The following ARHGAP32 variants were observed in gnomAD, a reference collection of about 807,000 sequenced individuals.
ARHGAP32 encodes the protein Rho GTPase activating protein 32, also known as rho GTPase-activating protein 32.
Under a neutral mutation model 186.5 loss-of-function variants are expected in ARHGAP32, and 51 were observed. The observed-to-expected ratio is 0.27, with a 90% confidence interval of 0.22 to 0.35. The LOEUF (loss-of-function observed/expected upper bound fraction) is 0.35, where lower values mean the gene tolerates loss of function less well. Ranked by LOEUF, ARHGAP32 falls within the 10% of genes least tolerant of loss-of-function variation. The pLI is 1.00. For missense variants in ARHGAP32, 2,186 were observed against 2,623.5 expected, an observed-to-expected ratio of 0.83 and a Z score of 3.64; for synonymous variants, 950 against 964.3, an observed-to-expected ratio of 0.99 and a Z score of 0.27.
chr11:129,086,929 C>T (rs1365243999), intron 6 of ARHGAP32, among the ~76,000 whole-genome samples: 1 of 151,586 alleles, frequency 6.6e-6, no homozygotes, highest in African/African-American at 2.4e-5. Flanking sequence ...AAAAAACAGG[C>T]AAAAGATTTG....
intron 3 of ARHGAP32, among the ~76,000 whole-genome samples, chr11:129,124,136 A>G (rs376747126): frequency 3.3e-5 from 5 of 152,200 alleles, no homozygotes; most frequent in Admixed American, 6.5e-5. Flanking sequence ...ATATTTGCAT[A>G]TATCTATGGG....
chr11:128,993,236 A>G (rs1946109571), intron 12 of ARHGAP32: 1 of 152,200 alleles, frequency 6.6e-6, no homozygotes, highest in Admixed American at 6.5e-5. Flanking sequence ...AAAAATTTTT[A>G]TTTTATATGG....
At chr11:129,279,244 CCGCCGCCGCCGCCGAGCGCCGCCCG>C (rs1303980884) in exon 1 of ARHGAP32, 5 of 1,082 alleles carry the variant, frequency 4.6e-3, no homozygotes, top group Non-Finnish European at 0.042. Flanking sequence ...CCTCCGCCCG[CCGCCGCCGCCGCCGAGCGCCGCCCG>C]CGCCGCCGAG....
Position 129,064,829 on chromosome 11 carries a change from A to T in ARHGAP32, c.762+12T>A. ...AATATACATTTTTCATGAAAAGTGA[A>T]TTAGGAAATACCTCCATCCAGGTAA... is the stretch of plus-strand genomic sequence containing the variant. On this transcript the variant is annotated intron_variant, in intron 8 of 22. Coordinates refer to ENST00000682385, the MANE Select transcript of ARHGAP32 (RefSeq NM_001378024.1). 2 of 1,564,484 alleles carry T rather than the reference A, an allele frequency of 1.3e-6. No individual in the cohort carries two copies. Among genetic ancestry groups the T allele is most frequent in the Non-Finnish European group, 1.7e-6 (2 of 1,153,090 alleles).
At chr11:129,088,096 T>A (rs1227294849) in intron 6 of ARHGAP32, among the ~76,000 whole-genome samples, 2 of 152,206 alleles carry the variant, frequency 1.3e-5, no homozygotes, top group Admixed American at 6.5e-5. Flanking sequence ...AAAAATATTT[T>A]TAGGCCAGCA....
intron 1 of ARHGAP32, among the ~76,000 whole-genome samples, chr11:129,262,221 CTCA>C (rs1159201391): frequency 6.6e-6 from 1 of 152,082 alleles, no homozygotes; most frequent in East Asian, 1.9e-4. Context: ...CATTCTGTCT[CTCA>C]TGTTTTTTTA....
intron 11 of ARHGAP32, among the ~76,000 whole-genome samples, chr11:129,032,418 A>G (rs1939154377): frequency 6.6e-6 from 1 of 150,440 alleles, no homozygotes; most frequent in African/African-American, 2.5e-5. Context: ...ATAATACACA[A>G]CCAAATGGAG....
intron 10 of ARHGAP32, among the ~76,000 whole-genome samples, chr11:129,056,253 T>C (rs1045320431): frequency 1.3e-5 from 2 of 152,226 alleles, no homozygotes; most frequent in Non-Finnish European, 2.9e-5. Context: ...TCTGTAAATC[T>C]GTAACTATAC....
In ARHGAP32 at chr11:129,125,177, G is replaced by A. The variant is rs559635801; in HGVS notation, c.226-283C>T. On this transcript the variant is annotated intron_variant, in intron 2 of 22. Transcript: ENST00000682385. Reference sequence around the variant, plus strand: ...AACCAGCTATTATATACCTCAATACGAATTAAAATTTCCCCTGGAAGTTGT... The same window carrying A: ...AACCAGCTATTATATACCTCAATACAAATTAAAATTTCCCCTGGAAGTTGT... Among the ~76,000 whole-genome samples the A allele has an allele frequency of 5.3e-5, 8 of 151,854 alleles. No individual in the cohort carries two copies. In the East Asian group the frequency reaches 5.8e-4, roughly 11 times the overall value.
chr11:129,248,532 C>T (rs1199118834), intron 1 of ARHGAP32, among the ~76,000 whole-genome samples: 1 of 152,190 alleles, frequency 6.6e-6, no homozygotes, highest in Non-Finnish European at 1.5e-5. Context: ...GCCTAAATCA[C>T]CCCAGCCTCC....
In ARHGAP32 at chr11:129,093,856, A is replaced by C. The variant is rs74595461; in HGVS notation, c.445-149T>G. 117 of 628,858 alleles carry C rather than the reference A, an allele frequency of 1.9e-4. No homozygotes were observed. In the East Asian group the frequency reaches 3.0e-3, roughly 16 times the overall value. The allele number at this position is 628,858 out of a possible 1,614,324, so 39.0% of individuals were successfully genotyped here. A position where few individuals can be genotyped will look rare whatever the true frequency, so the allele number is the denominator to read the frequency against. On this transcript the variant is annotated intron_variant, in intron 5 of 22. Coordinates refer to ENST00000682385, the MANE Select transcript of ARHGAP32 (RefSeq NM_001378024.1). ...TCTTATATGAGAACTTCATTGCTTA[A>C]GGCAGATGAATGAAGGACTTGGTGT...
intron 6 of ARHGAP32, among the ~76,000 whole-genome samples, chr11:129,075,613 A>G (rs1941012059): frequency 6.9e-6 from 1 of 145,364 alleles, no homozygotes; most frequent in Admixed American, 6.7e-5. Flanking sequence ...CAGAAAATCA[A>G]TAAGAAAATA....
rs1384125369 is a variant in ARHGAP32, at chr11:129,124,825, T to C, written c.295A>G (p.Met99Val). 1 of 1,609,836 alleles carries C rather than the reference T, an allele frequency of 6.2e-7. No individual in the cohort carries two copies. Among genetic ancestry groups the C allele is most frequent in the Middle Eastern group, 1.7e-4 (1 of 6,054 alleles). ...TLKTCGSTAS[M>V]KVKHVKKSTT... ...CACTTTTTCACATGCTTAACCTTCATACTGGCTGTACTGCCACACGTCTTA... is the reference window on the plus strand; with the variant it reads ...CACTTTTTCACATGCTTAACCTTCACACTGGCTGTACTGCCACACGTCTTA... The change falls in exon 3 of 23, where the codon ATG (methionine) becomes GTG (valine). Residue 99 changes from methionine to valine, a missense_variant. Physicochemically the swap from Met to Val is conservative, Grantham distance 21. This residue lies in a region of ARHGAP32 where 308 missense variants were observed against 596.5 expected (regional missense o/e 0.52). Transcript: ENST00000682385.
At chr11:129,272,915 C>T (rs1393654003) in intron 1 of ARHGAP32, among the ~76,000 whole-genome samples, 1 of 152,182 alleles carries the variant, frequency 6.6e-6, no homozygotes, top group Non-Finnish European at 1.5e-5. Context: ...TCTACTAAAT[C>T]AATTACGCAG....
chr11:129,212,964 A>G (rs1944599298), intron 1 of ARHGAP32, among the ~76,000 whole-genome samples: 2 of 151,692 alleles, frequency 1.3e-5, no homozygotes, highest in African/African-American at 4.8e-5. Context: ...TATTTGGGCT[A>G]CCAAACATGA....
Position 129,164,499 on chromosome 11 carries a change from G to A in ARHGAP32, c.117-72C>T, listed in dbSNP as rs1024903902. On this transcript the variant is annotated intron_variant, in intron 1 of 22. Transcript: ENST00000682385. ...TGAAAGCCTTCCAATGATCACAATT[G>A]AAAGAGCAGAAAAACTACATGTCAG... is the stretch of plus-strand genomic sequence containing the variant. 1.2e-5 allele frequency: 10 copies of A among 839,598 alleles called. No homozygotes were observed. In the African/African-American group the frequency reaches 1.7e-4, roughly 14 times the overall value. 52.0% of individuals were successfully genotyped at this position (839,598 alleles called of 1,614,324 possible).
intron 5 of ARHGAP32, among the ~76,000 whole-genome samples, chr11:129,107,667 G>A (rs973707131): frequency 2.6e-5 from 4 of 152,074 alleles, no homozygotes; most frequent in Admixed American, 6.5e-5. Flanking sequence ...TCAGGAGTTC[G>A]AGACCAGCCT....
chr11:129,066,005 G>A (rs911156155), intron 7 of ARHGAP32, among the ~76,000 whole-genome samples: 6 of 152,102 alleles, frequency 3.9e-5, no homozygotes, highest in East Asian at 1.9e-4. Flanking sequence ...TCCTATATTC[G>A]TTTACAACAT....
At chr11:129,086,017 CAA>C (rs60940372) in intron 6 of ARHGAP32, among the ~76,000 whole-genome samples, 1 of 127,918 alleles carries the variant, frequency 7.8e-6, no homozygotes, top group African/African-American at 2.9e-5. Flanking sequence ...AACAAACAAA[CAA>C]AAAAAAAAAA....
Sources: gnomAD v4.1 joint callset for allele counts (sites outside exome capture counted in the v4.1 genomes callset) on GRCh38, gnomAD v4.1.1 for gene constraint, gnomAD v4.1.1 regional missense constraint, MANE v1.5 for transcripts, NCBI Gene and HGNC (gene_info 2026-07-23, HGNC 2026-07-21) for gene names.